The following PRICKLE2 variants were observed in gnomAD, a reference collection of about 807,000 sequenced individuals.
The protein encoded by PRICKLE2 is prickle-like protein 2.
In PRICKLE2, 21 loss-of-function variants were observed where a neutral mutation model predicts 81.4. The ratio of observed to expected loss-of-function variants is 0.26; its 90% confidence interval spans 0.18 to 0.37. The LOEUF is 0.37. Among genes scored for constraint, PRICKLE2 ranks in the 10% least tolerant of loss-of-function variants. PRICKLE2 has a pLI of 1.00. For missense variants in PRICKLE2, 940 were observed against 1,109.0 expected (o/e 0.85, Z 2.16); for synonymous variants, 456 against 421.5 (o/e 1.08, Z -1.00).
intron 2 of PRICKLE2, among the ~76,000 whole-genome samples, chr3:64,173,022 G>A (rs1055398281): frequency 5.3e-5 from 8 of 152,150 alleles, no homozygotes; most frequent in South Asian, 4.1e-4. Context: ...TCTGTGATAC[G>A]CAAGTGTAAG....
rs1033089415 is a variant in PRICKLE2 at position 64,092,304 on chromosome 3, G to C, written c.*6747C>G. ...GTCTTACAATGAAACAACTCTTGTT[G>C]TCTGCCACTCCCAAGTCCTTGTGAT... On this transcript the variant is annotated 3_prime_UTR_variant, in exon 8 of 8. Coordinates refer to ENST00000638394, the MANE Select transcript of PRICKLE2 (RefSeq NM_198859.4). The C allele has an allele frequency of 2.6e-5, 4 of 152,162 alleles. No homozygotes were observed. 9.4% of individuals were successfully genotyped at this position (152,162 alleles called of 1,614,324 possible).
At chr3:64,256,013 T>C (rs2079519514) in intron 2 of PRICKLE2, among the ~76,000 whole-genome samples, 1 of 152,164 alleles carries the variant, frequency 6.6e-6, no homozygotes, top group African/African-American at 2.4e-5. Flanking sequence ...CTCTGTGACA[T>C]AGTGAAGCTG....
Position 64,163,103 on chromosome 3 carries a change from T to C in PRICKLE2, c.171A>G (p.Pro57=). 1.9e-6 allele frequency: 3 copies of C among 1,612,686 alleles called. No individual in the cohort carries two copies. Among genetic ancestry groups the C allele is most frequent in the Non-Finnish European group, 2.5e-6 (3 of 1,178,686 alleles). ...EQVHQYYSCL[P]EEKVPYVNSP... ...TGTTGACATAAGGGACTTTCTCTTC[T>C]GGGAGACAGCTATAGTACTGGTGTA... Residue 57 remains proline (P), a synonymous_variant, in exon 3 of 8, where the codon CCA becomes CCG. Coordinates refer to ENST00000638394, the MANE Select transcript of PRICKLE2 (RefSeq NM_198859.4).
intron 1 of PRICKLE2, among the ~76,000 whole-genome samples, chr3:64,217,926 T>C (rs2078897744): frequency 6.6e-6 from 1 of 152,216 alleles, no homozygotes; most frequent in Non-Finnish European, 1.5e-5. Context: ...AATCAACCTC[T>C]TCGGGCTTCC....
chr3:64,227,463 T>C (rs2079046458), upstream of PRICKLE2, among the ~76,000 whole-genome samples: 1 of 152,204 alleles, frequency 6.6e-6, no homozygotes, highest in Non-Finnish European at 1.5e-5. Flanking sequence ...AGCATGGTCA[T>C]ATAAGAGGCA....
chr3:64,221,135 T>C (rs1370457650), intron 1 of PRICKLE2, among the ~76,000 whole-genome samples: 1 of 152,086 alleles, frequency 6.6e-6, no homozygotes, highest in Non-Finnish European at 1.5e-5. Flanking sequence ...TCGTGGTGGA[T>C]TGGCAATTGC....
intron 6 of PRICKLE2, among the ~76,000 whole-genome samples, chr3:64,148,954 T>C (rs1467056217): frequency 6.6e-6 from 1 of 152,214 alleles, no homozygotes; most frequent in African/African-American, 2.4e-5. Context: ...GGATTTCAAC[T>C]CTTGTTAAGG....
At chr3:64,209,245 T>C (rs138138487) in intron 1 of PRICKLE2, among the ~76,000 whole-genome samples, 2 of 152,020 alleles carry the variant, frequency 1.3e-5, no homozygotes, top group East Asian at 3.9e-4. Context: ...TATCCATTCA[T>C]TCATACCCAT....
chr3:64,185,491 C>T (rs546633589), intron 2 of PRICKLE2, among the ~76,000 whole-genome samples: 17 of 152,334 alleles, frequency 1.1e-4, no homozygotes, highest in African/African-American at 2.4e-4. Flanking sequence ...GTGCCAACTA[C>T]GTGTTAGGCA....
At chr3:64,134,728 T>A (rs1197461231) in intron 7 of PRICKLE2, among the ~76,000 whole-genome samples, 1 of 149,860 alleles carries the variant, frequency 6.7e-6, no homozygotes, top group Non-Finnish European at 1.5e-5. Flanking sequence ...GGGGTAGTGT[T>A]TGTGTATGAG....
In PRICKLE2 at chr3:64,095,505, T is replaced by C. The variant is rs2076560174; in HGVS notation, c.*3546A>G. The stretch of plus-strand genomic sequence containing the variant: ...TGCATCCACATTCTCAGCAAGAGTA[T>C]ACAGTGATGCATTGGTTGTATCTGC... On this transcript the variant is annotated 3_prime_UTR_variant, in exon 8 of 8. Coordinates refer to ENST00000638394, the MANE Select transcript of PRICKLE2 (RefSeq NM_198859.4). 1 of 152,222 alleles carries C rather than the reference T, an allele frequency of 6.6e-6. No homozygotes were observed. The highest frequency in any genetic ancestry group is 1.5e-5 in the Non-Finnish European group (1 of 68,062). 9.4% of individuals were successfully genotyped at this position (152,222 alleles called of 1,614,324 possible). A position where few individuals can be genotyped will look rare whatever the true frequency, so the allele number is the denominator to read the frequency against.
Position 64,225,247 on chromosome 3 carries a change from C to A in PRICKLE2, c.-378G>T. 1 of 985,436 alleles carries A rather than the reference C, an allele frequency of 1.0e-6. No individual in the cohort carries two copies. The highest frequency in any genetic ancestry group is 1.2e-6 in the Non-Finnish European group (1 of 829,996). 61.0% of individuals were successfully genotyped at this position (985,436 alleles called of 1,614,324 possible). ...GTGCTCAGATCGCCTTCCGGAGGAC[C>A]CCCAGTTTCCTCTTAACTCCCCTTC... On this transcript the variant is annotated 5_prime_UTR_variant, in exon 1 of 8. Transcript: ENST00000638394.
At chr3:64,249,226 T>C (rs2079405562) in intron 2 of PRICKLE2, among the ~76,000 whole-genome samples, 1 of 151,998 alleles carries the variant, frequency 6.6e-6, no homozygotes, top group Non-Finnish European at 1.5e-5. Flanking sequence ...CCTCTTACCA[T>C]GGCAGAGGAG....
intron 6 of PRICKLE2, among the ~76,000 whole-genome samples, chr3:64,151,453 G>T (rs1015663592): frequency 6.6e-6 from 1 of 152,202 alleles, no homozygotes; most frequent in African/African-American, 2.4e-5. Context: ...CATCTGAGGT[G>T]TACATGCTGC....
upstream of PRICKLE2, among the ~76,000 whole-genome samples, chr3:64,227,142 G>A (rs1227271582): frequency 6.6e-6 from 1 of 152,224 alleles, no homozygotes; most frequent in East Asian, 1.9e-4. Flanking sequence ...GTTCCCAGAA[G>A]ACCTTTCATG....
intron 7 of PRICKLE2, among the ~76,000 whole-genome samples, chr3:64,126,278 A>G (rs1484928267): frequency 6.6e-6 from 1 of 152,210 alleles, no homozygotes; most frequent in Non-Finnish European, 1.5e-5. Context: ...AGATGCAGCA[A>G]AGAAAAATTC....
At chr3:64,242,377 A>T (rs1251146824) in intron 2 of PRICKLE2, among the ~76,000 whole-genome samples, 1 of 152,160 alleles carries the variant, frequency 6.6e-6, no homozygotes, top group African/African-American at 2.4e-5. Context: ...AAATTCCTTC[A>T]CCTAATCACT....
chr3:64,173,041 G>T (rs1432777629), intron 2 of PRICKLE2, among the ~76,000 whole-genome samples: 1 of 152,182 alleles, frequency 6.6e-6, no homozygotes, highest in Non-Finnish European at 1.5e-5. Flanking sequence ...AGGAACTGTT[G>T]AGTGCTTGTG....
chr3:64,147,243 A>G lies in PRICKLE2; in HGVS notation c.1247T>C (p.Leu416Pro). 2 of 1,609,172 alleles carry G rather than the reference A, an allele frequency of 1.2e-6. No individual in the cohort carries two copies. Among genetic ancestry groups the G allele is most frequent in the East Asian group, 2.2e-5 (1 of 44,766 alleles). The change falls in exon 7 of 8, where the codon CTG becomes CCG. Residue 416 changes from leucine (L) to proline (P), a missense_variant. This residue lies in a region of PRICKLE2 where 670 missense variants were observed against 717.2 expected (regional missense o/e 0.93). Coordinates refer to ENST00000638394, the MANE Select transcript of PRICKLE2 (RefSeq NM_198859.4). The surrounding 1 kb of genome is among the most constrained non-coding windows in gnomAD (Gnocchi z 5.0). ...GATGTTGCACTGGCTGAGGAGCTGC[A>G]GAGGGCTCTGGGTCTGGTTCTGCTC... The part of the protein sequence containing the change: ...KMEQNQTQSP[L>P]QLLSQCNIRT...
Sources: allele counts gnomAD v4.1 joint callset (sites outside exome capture counted in the v4.1 genomes callset), GRCh38; gene constraint gnomAD v4.1.1; regional missense constraint gnomAD v4.1.1; non-coding constraint Gnocchi (gnomAD v3.1); transcripts MANE v1.5; gene names NCBI Gene and HGNC (gene_info 2026-07-23, HGNC 2026-07-21).